The following TTC23 variants were observed in gnomAD, a reference collection of about 807,000 sequenced individuals.
TTC23 encodes tetratricopeptide repeat domain 23.
TTC23 carries 58 observed loss-of-function variants against 55.1 expected under a neutral mutation model. The ratio of observed to expected loss-of-function variants is 1.05; its 90% CI spans 0.85 to 1.31. TTC23 has a LOEUF of 1.31. TTC23 is among the 50% of genes most tolerant of loss of function. The probability of loss-of-function intolerance (pLI) is 0.00; values close to 1 mark genes in which losing one functional copy is unlikely to be tolerated. For synonymous variants in TTC23, 203 were observed against 199.9 expected (o/e 1.02, Z -0.13); for missense variants, 516 against 534.4 (o/e 0.97, Z 0.34).
At chr15:99,164,286 C>T (rs2071759868) in intron 10 of TTC23, among the ~76,000 whole-genome samples, 1 of 152,168 alleles carries the variant, frequency 6.6e-6, no homozygotes, top group South Asian at 2.1e-4. Context: ...CAGCCGTAGA[C>T]AATACATAAA....
At chr15:99,230,701 G>A (rs2078866010) in intron 4 of TTC23, among the ~76,000 whole-genome samples, 1 of 152,136 alleles carries the variant, frequency 6.6e-6, no homozygotes, top group African/African-American at 2.4e-5. Context: ...GAGAGTTAAA[G>A]ATACTTCTTA....
At chr15:99,202,539 T>A (rs1470999545) in intron 8 of TTC23, among the ~76,000 whole-genome samples, 3 of 152,166 alleles carry the variant, frequency 2.0e-5, no homozygotes, top group Admixed American at 2.0e-4. Context: ...TATAAAAAAT[T>A]CCTTCTTTCC....
intron 10 of TTC23, among the ~76,000 whole-genome samples, chr15:99,174,085 C>G (rs1211533777): frequency 6.6e-6 from 1 of 152,178 alleles, no homozygotes; most frequent in Non-Finnish European, 1.5e-5. Context: ...CTTACACAGG[C>G]TCCTCCAGAT....
intron 9 of TTC23, among the ~76,000 whole-genome samples, chr15:99,179,949 T>C (rs2073960417): frequency 6.6e-6 from 1 of 152,230 alleles, no homozygotes. Context: ...TGTTCACAAT[T>C]TTCAAACAAT....
chr15:99,190,389 C>T (rs1179758200), intron 9 of TTC23, among the ~76,000 whole-genome samples: 1 of 151,772 alleles, frequency 6.6e-6, no homozygotes, highest in Non-Finnish European at 1.5e-5. Context: ...TCTCCTGCCT[C>T]AGCCTCCCAA....
intron 9 of TTC23, among the ~76,000 whole-genome samples, chr15:99,178,560 T>A (rs868614222): frequency 9.2e-5 from 14 of 152,218 alleles, no homozygotes; most frequent in African/African-American, 3.1e-4. Flanking sequence ...CCCCTAAAAA[T>A]TTAGGCAGGA....
chr15:99,156,347 A>G (rs750732499), intron 11 of TTC23, 50 bp from the exon 12 acceptor site: 7 of 1,600,334 alleles, frequency 4.4e-6, no homozygotes, highest in Non-Finnish European at 8.5e-7. Flanking sequence ...AAGGCTGATT[A>G]GGATCATTAC....
At chr15:99,201,808 G>A (rs1029829082) in intron 8 of TTC23, among the ~76,000 whole-genome samples, 5 of 152,112 alleles carry the variant, frequency 3.3e-5, no homozygotes, top group Non-Finnish European at 7.4e-5. Context: ...AGAATGTCGG[G>A]AGTAATCCTT....
intron 13 of TTC23, 83 bp from the exon 14 acceptor site, chr15:99,138,210 G>A: frequency 7.0e-6 from 11 of 1,562,200 alleles, no homozygotes; most frequent in South Asian, 2.4e-5. Flanking sequence ...TGCCCAGCAG[G>A]TGCCCAGACC....
At chr15:99,237,518 A>G (rs1234177218) in intron 3 of TTC23, among the ~76,000 whole-genome samples, 1 of 152,220 alleles carries the variant, frequency 6.6e-6, no homozygotes, top group Non-Finnish European at 1.5e-5. Context: ...AGTTATGCCG[A>G]GTGAAGAAGT....
chr15:99,221,157 C>A (rs2077889052), intron 6 of TTC23, among the ~76,000 whole-genome samples: 1 of 152,108 alleles, frequency 6.6e-6, no homozygotes, highest in South Asian at 2.1e-4. Context: ...CTTGTTGCCA[C>A]CATGTGGGCA....
chr15:99,230,539 T>C (rs1596952586), intron 4 of TTC23, among the ~76,000 whole-genome samples: 1 of 152,064 alleles, frequency 6.6e-6, no homozygotes, highest in South Asian at 2.1e-4. Context: ...TGAAGAAAAC[T>C]ATACCAAATA....
chr15:99,160,133 A>G (rs909294877), intron 11 of TTC23: 2 of 150,336 alleles, frequency 1.3e-5, no homozygotes, highest in Non-Finnish European at 2.9e-5. Context: ...TGAAACTCCA[A>G]TTTGTCCTGG....
chr15:99,242,053 G>C (rs904600709), intron 2 of TTC23, among the ~76,000 whole-genome samples: 2 of 151,322 alleles, frequency 1.3e-5, no homozygotes, highest in Admixed American at 6.6e-5. Context: ...GACTGCTTGA[G>C]CCCAGGAGGC....
At chr15:99,194,732 T>C (rs2075555045) in intron 9 of TTC23, among the ~76,000 whole-genome samples, 1 of 151,842 alleles carries the variant, frequency 6.6e-6, no homozygotes, top group Admixed American at 6.6e-5. Context: ...GGTCGGGAGG[T>C]CAAGACCAGC....
In TTC23 at chr15:99,189,340, C is replaced by A. The variant is rs1261467251; in HGVS notation, c.759+10579G>T. Among the ~76,000 whole-genome samples the A allele has an allele frequency of 2.0e-5, 3 of 152,030 alleles. No homozygotes were observed. In the East Asian group the frequency reaches 5.8e-4, roughly 29 times the overall value. ...GAATGGAAAATAATTATTTTACAAC[C>A]ATCACAGTTATGACTGGTTCAGGAA... On this transcript the variant is annotated intron_variant, in intron 9 of 13. Coordinates refer to ENST00000394132, the MANE Select transcript of TTC23 (RefSeq NM_001288615.3).
chr15:99,190,648 G>A (rs531431946), intron 9 of TTC23, among the ~76,000 whole-genome samples: 5 of 152,308 alleles, frequency 3.3e-5, no homozygotes, highest in Admixed American at 2.6e-4. Context: ...GAATCAGGGT[G>A]CCACAAATGA....
At chr15:99,229,231 T>C (rs73469362) in intron 4 of TTC23, among the ~76,000 whole-genome samples, 4,212 of 152,126 alleles carry the variant, frequency 0.028, 209 homozygotes, top group African/African-American at 0.095. Flanking sequence ...TGAAGCCCAA[T>C]TGACCCTGAG....
intron 5 of TTC23, among the ~76,000 whole-genome samples, chr15:99,227,388 T>C (rs750652047): frequency 5.9e-5 from 9 of 152,232 alleles, no homozygotes; most frequent in Non-Finnish European, 1.2e-4. Flanking sequence ...GAGCTCAGCA[T>C]TTCTATTGTC....
Sources: allele counts gnomAD v4.1 joint callset (sites outside exome capture counted in the v4.1 genomes callset), GRCh38; gene constraint gnomAD v4.1.1; transcripts MANE v1.5; gene names NCBI Gene and HGNC (gene_info 2026-07-23, HGNC 2026-07-21).